The following KCNB2 variants were observed in gnomAD, a reference collection of about 807,000 sequenced individuals.
KCNB2 encodes the protein potassium voltage-gated channel subfamily B member 2.
A neutral mutation model predicts 61.5 loss-of-function variants in KCNB2; 15 were observed. The ratio of observed to expected loss-of-function variants is 0.24; its 90% CI spans 0.16 to 0.38. The LOEUF is 0.38. KCNB2 is among the 10% of genes least tolerant of loss of function. The probability of loss-of-function intolerance (pLI) is 1.00; values close to 1 mark genes in which losing one functional copy is unlikely to be tolerated. For missense variants in KCNB2, 828 were observed against 1,125.2 expected (o/e 0.74, Z 3.78); for synonymous variants, 457 against 446.0 (o/e 1.02, Z -0.31).
chr8:72,914,072 T>G (rs1806348922), intron 2 of KCNB2, among the ~76,000 whole-genome samples: 1 of 152,186 alleles, frequency 6.6e-6, no homozygotes, highest in African/African-American at 2.4e-5. Context: ...AAGTCCAAGA[T>G]CAAGACACCA....
chr8:72,824,857 T>G (rs1156604482), intron 2 of KCNB2, among the ~76,000 whole-genome samples: 1 of 152,218 alleles, frequency 6.6e-6, no homozygotes, highest in Non-Finnish European at 1.5e-5. Context: ...CTCTCTACTC[T>G]GCACTCTGGC....
chr8:72,789,911 A>C (rs1283967691), intron 2 of KCNB2, among the ~76,000 whole-genome samples: 1 of 152,130 alleles, frequency 6.6e-6, no homozygotes, highest in African/African-American at 2.4e-5. Flanking sequence ...GATATACTTA[A>C]GAAAGAGATT....
chr8:72,709,062 C>G (rs1468504090), intron 2 of KCNB2, among the ~76,000 whole-genome samples: 1 of 152,162 alleles, frequency 6.6e-6, no homozygotes, highest in African/African-American at 2.4e-5. Flanking sequence ...ACACATCGTT[C>G]ACCCTTTGAT....
At chr8:72,627,749 A>G (rs1009624306) in intron 2 of KCNB2, among the ~76,000 whole-genome samples, 14 of 151,940 alleles carry the variant, frequency 9.2e-5, no homozygotes, top group African/African-American at 3.1e-4. Flanking sequence ...CTGACTTCAG[A>G]TAACTCTCCT....
chr8:72,601,251 T>C (rs1451399799), intron 2 of KCNB2, among the ~76,000 whole-genome samples: 2 of 152,210 alleles, frequency 1.3e-5, no homozygotes, highest in Non-Finnish European at 2.9e-5. Context: ...TTATATTTGC[T>C]AGCAAGGGAT....
intron 2 of KCNB2, among the ~76,000 whole-genome samples, chr8:72,775,348 G>A (rs1808631496): frequency 2.6e-5 from 4 of 152,180 alleles, no homozygotes; most frequent in Admixed American, 2.0e-4. Context: ...TGCCTGCAGA[G>A]CAAAGCCATC....
chr8:72,833,396 TCAA>T, intron 2 of KCNB2, among the ~76,000 whole-genome samples: 1 of 152,206 alleles, frequency 6.6e-6, no homozygotes, highest in African/African-American at 2.4e-5. Flanking sequence ...TGACACAATG[TCAA>T]CAAGGAACAG....
chr8:72,820,191 A>G (rs1269343321), intron 2 of KCNB2, among the ~76,000 whole-genome samples: 1 of 152,126 alleles, frequency 6.6e-6, no homozygotes, highest in Non-Finnish European at 1.5e-5. Flanking sequence ...AAAGCACAAA[A>G]TCATATCCTT....
intron 2 of KCNB2, among the ~76,000 whole-genome samples, chr8:72,918,790 G>A (rs530187863): frequency 6.6e-6 from 1 of 152,244 alleles, no homozygotes; most frequent in East Asian, 1.9e-4. Flanking sequence ...TGGCAGCCAG[G>A]GCTCATTGGG....
chr8:72,649,826 T>C (rs944913274), intron 2 of KCNB2, among the ~76,000 whole-genome samples: 1 of 152,130 alleles, frequency 6.6e-6, no homozygotes, highest in Non-Finnish European at 1.5e-5. Context: ...GATCAAGTGA[T>C]TAATAATAGA....
intron 2 of KCNB2, among the ~76,000 whole-genome samples, chr8:72,902,724 T>C (rs1298138508): frequency 6.6e-6 from 1 of 152,160 alleles, no homozygotes; most frequent in East Asian, 1.9e-4. Flanking sequence ...TAGGAGATAA[T>C]ATGACTTAAG....
In KCNB2 at chr8:72,832,186, G is replaced by A. The variant is rs113908915; in HGVS notation, c.580-103749G>A. Among the ~76,000 whole-genome samples, 443 of 152,346 alleles carry A rather than the reference G, an allele frequency of 2.9e-3. 4 individuals are homozygous for A. Among genetic ancestry groups the A allele is most frequent in the African/African-American group, 7.8e-3 (323 of 41,592 alleles). ...AAGTTGTCAGGGAAAAGGTGTACAT[G>A]TGAGAGAAACTTGGAAAATTACATT... On this transcript the variant is annotated intron_variant, in intron 2 of 2. Coordinates refer to ENST00000523207, the MANE Select transcript of KCNB2 (RefSeq NM_004770.3).
At chr8:72,661,899 AGTTTTGTTTTGTCTTTG>A (rs1358248526) in intron 2 of KCNB2, among the ~76,000 whole-genome samples, 3 of 152,092 alleles carry the variant, frequency 2.0e-5, no homozygotes, top group Non-Finnish European at 2.9e-5. Context: ...TAATGATCTC[AGTTTTGTTTTGTCTTTG>A]GTTTTGTTTT....
intron 2 of KCNB2, among the ~76,000 whole-genome samples, chr8:72,655,459 A>G (rs1021416007): frequency 2.0e-5 from 3 of 152,144 alleles, no homozygotes; most frequent in African/African-American, 7.2e-5. Flanking sequence ...AAATAAATTA[A>G]TAAATAAATA....
intron 2 of KCNB2, among the ~76,000 whole-genome samples, chr8:72,784,999 C>A (rs1424023196): frequency 1.3e-5 from 2 of 152,142 alleles, no homozygotes; most frequent in African/African-American, 4.8e-5. Flanking sequence ...GTCCACATTT[C>A]ATTACTAATA....
At chr8:72,723,530 C>T (rs1807585453) in intron 2 of KCNB2, among the ~76,000 whole-genome samples, 1 of 152,158 alleles carries the variant, frequency 6.6e-6, no homozygotes, top group Non-Finnish European at 1.5e-5. Context: ...TGATTGTCCT[C>T]TTGGCCTCCC....
chr8:72,763,652 G>A (rs1808420391), intron 2 of KCNB2, among the ~76,000 whole-genome samples: 1 of 152,162 alleles, frequency 6.6e-6, no homozygotes, highest in Non-Finnish European at 1.5e-5. Context: ...GTGTCTGTGG[G>A]TAAAGCCAAT....
intron 2 of KCNB2, among the ~76,000 whole-genome samples, chr8:72,615,998 A>T (rs1805613888): frequency 6.6e-6 from 1 of 152,178 alleles, no homozygotes; most frequent in South Asian, 2.1e-4. Context: ...CTTGTACAGG[A>T]TTATCTCAAT....
chr8:72,665,242 C>A (rs538603004), intron 2 of KCNB2, among the ~76,000 whole-genome samples: 2 of 152,092 alleles, frequency 1.3e-5, no homozygotes, highest in African/African-American at 4.8e-5. Flanking sequence ...AAGAGGACCA[C>A]GGTCTTTGCT....
Sources: gnomAD v4.1 joint callset for allele counts (sites outside exome capture counted in the v4.1 genomes callset) on GRCh38, gnomAD v4.1.1 for gene constraint, MANE v1.5 for transcripts, NCBI Gene and HGNC (gene_info 2026-07-23, HGNC 2026-07-21) for gene names.